The following FOXP1 variants were observed in gnomAD, a reference collection of about 807,000 sequenced individuals.
The protein encoded by FOXP1 is forkhead box protein P1.
Under a neutral mutation model 98.2 loss-of-function variants are expected in FOXP1, and 15 were observed. The observed-to-expected ratio is 0.15, with a 90% CI of 0.10 to 0.24. The LOEUF is 0.24. Among genes scored for constraint, FOXP1 ranks in the 10% least tolerant of loss-of-function variants. The pLI, the probability that FOXP1 is intolerant of heterozygous loss-of-function variation, is 1.00. For synonymous variants in FOXP1, 371 were observed against 314.5 expected, an observed-to-expected ratio of 1.18 and a Z score of -1.90; for missense variants, 633 against 848.5, an observed-to-expected ratio of 0.75 and a Z score of 3.15.
chr3:71,414,263 G>A (rs903485897), intron 3 of FOXP1, among the ~76,000 whole-genome samples: 6 of 152,160 alleles, frequency 3.9e-5, no homozygotes, highest in African/African-American at 1.4e-4. Flanking sequence ...TTGGCCAGCC[G>A]TCATAAAGAA....
intron 5 of FOXP1, among the ~76,000 whole-genome samples, chr3:71,213,886 T>C (rs2064705096): frequency 6.6e-6 from 1 of 152,216 alleles, no homozygotes; most frequent in African/African-American, 2.4e-5. Context: ...CACATAAAAA[T>C]GGTAACATTG....
chr3:71,177,623 G>A (rs758319281), intron 6 of FOXP1, among the ~76,000 whole-genome samples: 3 of 152,120 alleles, frequency 2.0e-5, no homozygotes, highest in Non-Finnish European at 2.9e-5. Flanking sequence ...GTGAACGAGC[G>A]TGGGCAGCTA....
chr3:71,211,310 A>G (rs867700897), intron 5 of FOXP1, among the ~76,000 whole-genome samples: 3 of 152,148 alleles, frequency 2.0e-5, no homozygotes, highest in Non-Finnish European at 2.9e-5. Flanking sequence ...GGTTCCAGTG[A>G]TTCTCCTGTC....
intron 3 of FOXP1, among the ~76,000 whole-genome samples, chr3:71,378,754 A>AT (rs1242115613): frequency 1.4e-4 from 21 of 151,768 alleles, no homozygotes; most frequent in African/African-American, 4.8e-4. Context: ...GTTTAATTTT[A>AT]TTATTAGTTA....
At chr3:71,392,389 G>A (rs1439351636) in intron 3 of FOXP1, among the ~76,000 whole-genome samples, 1 of 152,048 alleles carries the variant, frequency 6.6e-6, no homozygotes, top group African/African-American at 2.4e-5. Flanking sequence ...TAACAGTCGC[G>A]TTTAAAGAAA....
At chr3:71,041,182 C>T in intron 11 of FOXP1, 146 bp downstream of exon 11, 2 of 738,886 alleles carry the variant, frequency 2.7e-6, no homozygotes, top group Admixed American at 2.0e-5. Context: ...CACACCCAAA[C>T]CATACTGAAT....
intron 2 of FOXP1, among the ~76,000 whole-genome samples, chr3:71,508,727 C>A (rs1189825777): frequency 6.6e-6 from 1 of 152,174 alleles, no homozygotes; most frequent in Non-Finnish European, 1.5e-5. Context: ...ATAGATCCTA[C>A]AACCACCCCT....
chr3:71,281,126 G>T (rs974803334), intron 5 of FOXP1, among the ~76,000 whole-genome samples: 3 of 151,518 alleles, frequency 2.0e-5, no homozygotes, highest in Non-Finnish European at 4.4e-5. Context: ...CTACTCAGGA[G>T]GCTGAGGTGA....
At chr3:71,532,899 G>C (rs2043972762) in intron 2 of FOXP1, among the ~76,000 whole-genome samples, 1 of 152,184 alleles carries the variant, frequency 6.6e-6, no homozygotes. Context: ...GCGGGGGACA[G>C]GATCTACTGA....
intron 2 of FOXP1, among the ~76,000 whole-genome samples, chr3:71,510,033 G>T (rs892228330): frequency 3.3e-5 from 5 of 152,012 alleles, no homozygotes; most frequent in African/African-American, 1.2e-4. Context: ...ACAAAAATTA[G>T]CCAGGCGTGT....
intron 4 of FOXP1, among the ~76,000 whole-genome samples, chr3:71,342,335 C>T (rs941691453): frequency 1.3e-5 from 2 of 152,130 alleles, no homozygotes; most frequent in Admixed American, 6.5e-5. Context: ...TATTCCTAGT[C>T]AAATGATCTA....
chr3:71,391,096 CTG>C (rs1386657316), intron 3 of FOXP1, among the ~76,000 whole-genome samples: 2 of 152,190 alleles, frequency 1.3e-5, no homozygotes, highest in Admixed American at 6.5e-5. Context: ...AATGATGAAT[CTG>C]TATGAATGGA....
intron 3 of FOXP1, among the ~76,000 whole-genome samples, chr3:71,372,179 A>ATTTTT (rs71621938): frequency 1.0e-3 from 143 of 140,462 alleles, no homozygotes; most frequent in Non-Finnish European, 1.9e-3. Context: ...TTCCTGGCTA[A>ATTTTT]TTTTTTTTTT....
At chr3:71,307,487 A>G (rs2074360524) in intron 4 of FOXP1, among the ~76,000 whole-genome samples, 1 of 152,240 alleles carries the variant, frequency 6.6e-6, no homozygotes, top group Non-Finnish European at 1.5e-5. Context: ...AAAGACCCAG[A>G]GAATAAAACA....
chr3:71,497,508 T>C (rs922418102), intron 2 of FOXP1, among the ~76,000 whole-genome samples: 3 of 152,180 alleles, frequency 2.0e-5, no homozygotes, highest in African/African-American at 7.2e-5. Flanking sequence ...ATTTACACTG[T>C]AGCAATATCA....
chr3:71,177,237 T>A (rs1305020694), intron 6 of FOXP1, among the ~76,000 whole-genome samples: 2 of 152,074 alleles, frequency 1.3e-5, no homozygotes, highest in Non-Finnish European at 2.9e-5. Flanking sequence ...TGAAATGAAA[T>A]GAAACCAACC....
chr3:71,237,231 GAAAAAAAAAAAAAAA>G (rs757405755), intron 5 of FOXP1, among the ~76,000 whole-genome samples: 5 of 28,272 alleles, frequency 1.8e-4, no homozygotes, highest in East Asian at 1.3e-3. Flanking sequence ...GACTCCATCT[GAAAAAAAAAAAAAAA>G]AAAAAAAAAA....
At chr3:71,368,452 T>C (rs1250919749) in intron 3 of FOXP1, among the ~76,000 whole-genome samples, 1 of 152,094 alleles carries the variant, frequency 6.6e-6, no homozygotes, top group Admixed American at 6.6e-5. Context: ...ATGAAAGACA[T>C]CCTCTTCATG....
intron 7 of FOXP1, among the ~76,000 whole-genome samples, chr3:71,062,955 T>C (rs186824196): frequency 2.6e-5 from 4 of 152,366 alleles, no homozygotes; most frequent in Non-Finnish European, 5.9e-5. Flanking sequence ...TTCTTAATAT[T>C]TGGTTGCTTA....
Sources: allele counts gnomAD v4.1 joint callset (sites outside exome capture counted in the v4.1 genomes callset), GRCh38; gene constraint gnomAD v4.1.1; transcripts MANE v1.5; gene names NCBI Gene and HGNC (gene_info 2026-07-23, HGNC 2026-07-21).